Variants in SLC25A30 observed in about 807,000 individuals in gnomAD.
The protein encoded by SLC25A30 is kidney mitochondrial carrier protein 1.
A neutral mutation model predicts 42.7 loss-of-function variants in SLC25A30; 29 were observed. The observed-to-expected ratio is 0.68, with a 90% CI of 0.51 to 0.93. The LOEUF is 0.93. Ranked by LOEUF, SLC25A30 falls within the 40% of genes least tolerant of loss-of-function variation. SLC25A30 has a pLI of 0.00. For missense variants in SLC25A30, 300 were observed against 359.7 expected, an observed-to-expected ratio of 0.83 and a Z score of 1.34; for synonymous variants, 124 against 131.0, an observed-to-expected ratio of 0.95 and a Z score of 0.37.
chr13:45,401,272 G>A (rs773799932), intron 6 of SLC25A30, 65 bp from the exon 7 acceptor site: 7 of 1,527,794 alleles, frequency 4.6e-6, no homozygotes, highest in African/African-American at 1.4e-5. Context: ...CCTTGCAAAT[G>A]TGCAAAGGTT....
rs1010779173 is a variant in SLC25A30, at chr13:45,394,454, C to T, written c.*1520G>A. ...AGACTGGCCAGACTGGGAATTTGGC[C>T]GCACTACTGTGGAAGGAGAATGCCC... On this transcript the variant is annotated 3_prime_UTR_variant, in exon 10 of 10. Coordinates refer to ENST00000519676, the MANE Select transcript of SLC25A30 (RefSeq NM_001010875.4). 5.1e-6 allele frequency: 5 copies of T among 985,220 alleles called. No individual in the cohort carries two copies. The highest frequency in any genetic ancestry group is 4.7e-5 in the South Asian group (1 of 21,284). 61.0% of individuals were successfully genotyped at this position (985,220 alleles called of 1,614,324 possible).
chr13:45,430,260 A>G, the SLC25A30 span, among the ~76,000 whole-genome samples: 3 of 152,104 alleles, frequency 2.0e-5, no homozygotes, highest in South Asian at 6.2e-4. Context: ...TTGCGTGAAT[A>G]TGTGCAAGTG....
rs578256984 is a variant in SLC25A30 at position 45,406,106 on chromosome 13, G to A, written c.213-129C>T. On this transcript the variant is annotated intron_variant, in intron 3 of 9. Transcript: ENST00000519676. ...TAAAACAATTTTTTTTTTTTGAGAC[G>A]GAGTTTCGCTCTGTCACCCAGGCTG... is the stretch of plus-strand genomic sequence containing the variant. The A allele has an allele frequency of 5.1e-5, 36 of 707,296 alleles. 2 individuals are homozygous for A. In the East Asian group the frequency reaches 6.2e-4, roughly 12 times the overall value. The allele number at this position is 707,296 out of a possible 1,614,324, so 43.8% of individuals were successfully genotyped here.
chr13:45,417,724 C>A (rs1283569746), intron 1 of SLC25A30, among the ~76,000 whole-genome samples: 1 of 152,198 alleles, frequency 6.6e-6, no homozygotes, highest in African/African-American at 2.4e-5. Flanking sequence ...GCTACTCTTG[C>A]GCAGAACAAA....
chr13:45,428,961 T>C, the SLC25A30 span, among the ~76,000 whole-genome samples: 1 of 151,052 alleles, frequency 6.6e-6, no homozygotes, highest in African/African-American at 2.4e-5. Flanking sequence ...GATGGAGCAA[T>C]GACTTAAATT....
At chr13:45,418,878 T>C (rs1228336015), upstream of SLC25A30, 1 of 137,946 alleles carries the variant, frequency 7.2e-6, no homozygotes, top group Non-Finnish European at 1.5e-5. Flanking sequence ...GAGGCGGAGA[T>C]TGCAGTGAGC....
the SLC25A30 span, among the ~76,000 whole-genome samples, chr13:45,431,992 G>A: frequency 2.7e-3 from 412 of 152,002 alleles, 1 homozygote; most frequent in African/African-American, 7.3e-3. Context: ...TCTCAGGGCC[G>A]GGTGCAGTGG....
At position 45,402,327 on chromosome 13, in the gene SLC25A30, A is replaced by G. The variant is rs150686111; in HGVS notation, c.437T>C (p.Ile146Thr). Residue 146 changes from isoleucine (I) to threonine (T), a missense_variant, in exon 6 of 10, where the codon ATA becomes ACA. Transcript: ENST00000519676. ...AQSNTIQGGM[I>T]GNFMNIYQQE... ...CTGGTAAATGTTCATGAAGTTGCCT[A>G]TCATTCCTCCTTGAATGGTGTTGCT... The G allele has an allele frequency of 9.3e-6, 15 of 1,613,992 alleles. No homozygotes were observed. In the African/African-American group the frequency reaches 1.1e-4, roughly 11 times the overall value.
At chr13:45,416,715 G>A (rs548389821) in intron 1 of SLC25A30, among the ~76,000 whole-genome samples, 20 of 152,168 alleles carry the variant, frequency 1.3e-4, no homozygotes, top group Non-Finnish European at 2.6e-4. Flanking sequence ...AGGCTGCAGT[G>A]AGCTAAGACC....
In SLC25A30 at chr13:45,405,889, G is replaced by C; in HGVS notation, c.301C>G (p.Pro101Ala). The C allele has an allele frequency of 4.3e-6, 7 of 1,614,012 alleles. No homozygotes were observed. The highest frequency in any genetic ancestry group is 1.7e-4 in the Middle Eastern group (1 of 6,058). The change falls in exon 4 of 10, where the codon CCA (proline) becomes GCA (alanine). Residue 101 changes from proline to alanine, a missense_variant. By Grantham distance (27) the Pro-to-Ala change is conservative. Transcript: ENST00000519676. ...AAACAGATTCCCCACTCACCTTCTG[G>C]GCGTTCAATGAATAGTCGCTTCAAG... ...QSLKRLFIERPEDETLPINVI... is the reference protein window; with the variant it reads ...QSLKRLFIERAEDETLPINVI...
At chr13:45,401,054 T>C (rs1353853895) in intron 7 of SLC25A30, 29 bp downstream of exon 7, 2 of 1,552,292 alleles carry the variant, frequency 1.3e-6, no homozygotes, top group Non-Finnish European at 1.7e-6. Context: ...AGAATTTCTA[T>C]AATTTTTTAA....
the SLC25A30 span, among the ~76,000 whole-genome samples, chr13:45,424,554 TATATATAA>T: frequency 1.7e-4 from 4 of 23,488 alleles, no homozygotes; most frequent in African/African-American, 2.2e-4. Flanking sequence ...AATATATAAA[TATATATAA>T]ATGTATAAAT....
the SLC25A30 span, among the ~76,000 whole-genome samples, chr13:45,427,987 C>T: frequency 3.3e-5 from 5 of 151,806 alleles, no homozygotes; most frequent in Non-Finnish European, 5.9e-5. Flanking sequence ...AAGTGATCCA[C>T]CCGCCTCGGC....
intron 7 of SLC25A30, among the ~76,000 whole-genome samples, chr13:45,400,029 TATATACACACACAC>T (rs1166743539): frequency 1.7e-5 from 2 of 121,112 alleles, no homozygotes; most frequent in African/African-American, 6.2e-5. Flanking sequence ...TATATATATA[TATATACACACACAC>T]ACACACACAC....
chr13:45,395,841 C>G lies in SLC25A30; in HGVS notation c.*133G>C, dbSNP rs1881268007. ...CCAACACACAGCAATCTCAACTAAC[C>G]CAGTCTTCATCTGTTGCTCACATCC... On this transcript the variant is annotated 3_prime_UTR_variant, in exon 10 of 10. Coordinates refer to ENST00000519676, the MANE Select transcript of SLC25A30 (RefSeq NM_001010875.4). 1 of 1,580,768 alleles carries G rather than the reference C, an allele frequency of 6.3e-7. No homozygotes were observed. Among genetic ancestry groups the G allele is most frequent in the African/African-American group, 1.3e-5 (1 of 74,180 alleles).
In SLC25A30 at chr13:45,395,958, A is replaced by AT; in HGVS notation, c.*15dup. ...GTTACCATTTTCAGAAAGATGTCTC[A>AT]TGCAGCCTTGGCTTGTCACAAATCC... On this transcript the variant is annotated 3_prime_UTR_variant, in exon 10 of 10. Transcript: ENST00000519676. The AT allele has an allele frequency of 6.2e-7, 1 of 1,613,792 alleles. No homozygotes were observed. Among genetic ancestry groups the AT allele is most frequent in the Non-Finnish European group, 8.5e-7 (1 of 1,179,638 alleles).
chr13:45,400,776 C>T (rs1042181124), intron 7 of SLC25A30, among the ~76,000 whole-genome samples: 4 of 152,118 alleles, frequency 2.6e-5, no homozygotes, highest in Admixed American at 6.5e-5. Flanking sequence ...AGATTACAGG[C>T]GTGAACTACT....
chr13:45,403,546 C>G (rs1882202006), intron 5 of SLC25A30, among the ~76,000 whole-genome samples: 1 of 147,082 alleles, frequency 6.8e-6, no homozygotes, highest in African/African-American at 2.7e-5. Context: ...TAAAGATGCT[C>G]TATCCCTAGT....
intron 2 of SLC25A30, among the ~76,000 whole-genome samples, chr13:45,409,499 A>G (rs1051304060): frequency 3.1e-5 from 2 of 65,084 alleles, no homozygotes; most frequent in African/African-American, 8.7e-5. Context: ...TCCACTTGGG[A>G]GAGTGTTTTA....
Sources: allele counts gnomAD v4.1 joint callset (sites outside exome capture counted in the v4.1 genomes callset), GRCh38; gene constraint gnomAD v4.1.1; transcripts MANE v1.5; gene names NCBI Gene and HGNC (gene_info 2026-07-23, HGNC 2026-07-21).